HOMEZ: variants seen among roughly 807,000 people sequenced by gnomAD.
HOMEZ encodes homeobox and leucine zipper encoding.
In HOMEZ, 20 loss-of-function variants were observed where a neutral mutation model predicts 50.1. That is an observed-to-expected ratio of 0.40 (90% CI 0.28 to 0.58). The LOEUF (loss-of-function observed/expected upper bound fraction) is 0.58, where lower values mean the gene tolerates loss of function less well. Ranked by LOEUF, HOMEZ falls within the 20% of genes least tolerant of loss-of-function variation. The pLI is 0.46. For synonymous variants in HOMEZ, 239 were observed against 254.7 expected (o/e 0.94, Z 0.59); for missense variants, 579 against 680.5 (o/e 0.85, Z 1.66).
Position 23,276,181 on chromosome 14 carries a change from G to A in HOMEZ, c.1047C>T (p.Tyr349=), listed in dbSNP as rs374106556. ...GCTGGCGTTGCATATCTGGGGAAAGGTACTCTGTGGGGCCAACTCTACCTG... is the reference window on the plus strand; with the variant it reads ...GCTGGCGTTGCATATCTGGGGAAAGATACTCTGTGGGGCCAACTCTACCTG... ...SVPGRVGPTE[Y]LSPDMQRQRK... The change falls in exon 2 of 2, where the codon TAC becomes TAT. Residue 349 remains tyrosine (Y), a synonymous_variant. Transcript: ENST00000357460. This position sits in a 1 kb window ranked among gnomAD's most constrained non-coding sequence, Gnocchi z 4.1. 3.7e-6 allele frequency: 6 copies of A among 1,613,840 alleles called. No homozygotes were observed. In the African/African-American group the frequency reaches 8.0e-5, roughly 22 times the overall value.
rs539246898 is a variant in HOMEZ, at chr14:23,272,450, A to G, written c.*3125T>C. 283 of 258,198 alleles carry G rather than the reference A, an allele frequency of 1.1e-3. No homozygotes were observed. Among genetic ancestry groups the G allele is most frequent in the Non-Finnish European group, 1.6e-3 (217 of 132,042 alleles). 16.0% of individuals were successfully genotyped at this position (258,198 alleles called of 1,614,324 possible). A position where few individuals can be genotyped will look rare whatever the true frequency, so the allele number is the denominator to read the frequency against. On this transcript the variant is annotated 3_prime_UTR_variant, in exon 2 of 2. Transcript: ENST00000357460. ...ACAACAAACAAACAAACAAACAAAC[A>G]ACCGAAAATGTGAAAAAATTTTAAA...
rs796116533 is a variant in HOMEZ at position 23,285,785 on chromosome 14, G to GA, written c.40+127dup. 5 of 496,874 alleles carry GA rather than the reference G, an allele frequency of 1.0e-5. 1 individual carries two copies. Among genetic ancestry groups the GA allele is most frequent in the African/African-American group, 9.9e-5 (5 of 50,456 alleles). 30.8% of individuals were successfully genotyped at this position (496,874 alleles called of 1,614,324 possible). On this transcript the variant is annotated intron_variant, in intron 1 of 1. Coordinates refer to ENST00000357460, the MANE Select transcript of HOMEZ (RefSeq NM_020834.3). ...GGAGGGAACCGAAAAGTCCAGAGGA[G>GA]AAAAAAGAGAGAACCGGGCCACTTC...
chr14:23,281,582 G>C (rs1886557547), intron 1 of HOMEZ, among the ~76,000 whole-genome samples: 1 of 152,096 alleles, frequency 6.6e-6, no homozygotes, highest in African/African-American at 2.4e-5. Flanking sequence ...TCCGGGGTGA[G>C]ACAAATTAAT....
rs376249061 is a variant in HOMEZ, at chr14:23,275,863, C to T, written c.1365G>A (p.Pro455=). The T allele has an allele frequency of 1.7e-5, 27 of 1,597,186 alleles. No homozygotes were observed. Among genetic ancestry groups the T allele is most frequent in the African/African-American group, 1.2e-4 (9 of 74,778 alleles). Residue 455 remains proline (P), a synonymous_variant, in exon 2 of 2, where the codon CCG becomes CCA. Coordinates refer to ENST00000357460, the MANE Select transcript of HOMEZ (RefSeq NM_020834.3). Reference sequence around the variant, plus strand: ...GTATATCCGGTGGGGGTGGAGGGATCGGCAGAGGTGGTGTCTCAGCCCTTT... The same window carrying T: ...GTATATCCGGTGGGGGTGGAGGGATTGGCAGAGGTGGTGTCTCAGCCCTTT... ...LNERAETPPL[P]IPPPPPDIQP...
Position 23,275,291 on chromosome 14 carries a change from G to GTAGTGTAGATCTCGGTGGTCGCCGTAT in HOMEZ, c.*283_*284insATACGGCGACCACCGAGATCTACACTA. 1 of 444,122 alleles carries GTAGTGTAGATCTCGGTGGTCGCCGTAT rather than the reference G, an allele frequency of 2.3e-6. No homozygotes were observed. The highest frequency in any genetic ancestry group is 4.1e-5 in the South Asian group (1 of 24,618). The allele number at this position is 444,122 out of a possible 1,614,324, so 27.5% of individuals were successfully genotyped here. A position where few individuals can be genotyped will look rare whatever the true frequency, so the allele number is the denominator to read the frequency against. ...GAAAAAAACAGCAGACACGAGGAGA[G>GTAGTGTAGATCTCGGTGGTCGCCGTAT]CAAGAGCAGCTTCCCAGCCCATGGT... On this transcript the variant is annotated 3_prime_UTR_variant, in exon 2 of 2. Coordinates refer to ENST00000357460, the MANE Select transcript of HOMEZ (RefSeq NM_020834.3).
At chr14:23,277,975 C>T (rs1016229056) in intron 1 of HOMEZ, among the ~76,000 whole-genome samples, 2 of 151,532 alleles carry the variant, frequency 1.3e-5, no homozygotes, top group Non-Finnish European at 2.9e-5. Context: ...ATTACAGGTG[C>T]CCGCCACCAC....
At chr14:23,283,976 C>T (rs1470823856) in intron 1 of HOMEZ, among the ~76,000 whole-genome samples, 1 of 152,150 alleles carries the variant, frequency 6.6e-6, no homozygotes, top group Non-Finnish European at 1.5e-5. Context: ...CAATCTGAAG[C>T]ACTCCTGAAA....
chr14:23,276,713 A>T lies in HOMEZ; in HGVS notation c.515T>A (p.Leu172His), dbSNP rs759509939. ...TCCTTTCGTCTGGGTAGGCTTGCTAAGAGTTGGAGGACCTATTCCAATACC... is the reference window on the plus strand; with the variant it reads ...TCCTTTCGTCTGGGTAGGCTTGCTATGAGTTGGAGGACCTATTCCAATACC... ...QVGIGIGPPT[L>H]SKPTQTKGLK... Residue 172 changes from leucine to histidine, a missense_variant, in exon 2 of 2, where the codon CTT (leucine) becomes CAT (histidine). Transcript: ENST00000357460. This position sits in a 1 kb window ranked among gnomAD's most constrained non-coding sequence, Gnocchi z 4.1. 4 of 1,613,876 alleles carry T rather than the reference A, an allele frequency of 2.5e-6. No individual in the cohort carries two copies. Among genetic ancestry groups the T allele is most frequent in the Non-Finnish European group, 3.4e-6 (4 of 1,179,886 alleles).
chr14:23,282,201 A>G (rs929262258), intron 1 of HOMEZ, among the ~76,000 whole-genome samples: 6 of 152,054 alleles, frequency 3.9e-5, no homozygotes, highest in African/African-American at 1.4e-4. Flanking sequence ...TTTAACATTC[A>G]CTGTTTTCAA....
At position 23,280,722 on chromosome 14, in the gene HOMEZ, TTTATTTTATTTTATTTTA is replaced by T. The variant is rs1190366910; in HGVS notation, c.41-3553_41-3536del. On this transcript the variant is annotated intron_variant, in intron 1 of 1. Transcript: ENST00000357460. ...TTTTATATTTTTATTTTTATTTTAT[TTTATTTTATTTTATTTTA>T]TTATTTTATTTTATTTTATTTTATT... is the stretch of plus-strand genomic sequence containing the variant. Among the ~76,000 whole-genome samples the T allele has an allele frequency of 9.7e-4, 65 of 66,904 alleles. 4 individuals carry two copies. The highest frequency in any genetic ancestry group is 2.5e-3 in the African/African-American group (45 of 18,000). The allele number at this position is 66,904 out of a possible 152,430, so 43.9% of individuals were successfully genotyped here.
chr14:23,276,106 AAAG>A lies in HOMEZ; in HGVS notation c.1119_1121del (p.Phe375del). Reference sequence around the variant, plus strand: ...GCCGTGCCCACTGGCACTGTAAAAAAAAGGATTTAAGGATAGCCAGCTGCTCTT... The same window carrying A: ...GCCGTGCCCACTGGCACTGTAAAAAAGATTTAAGGATAGCCAGCTGCTCTT... On this transcript the variant is annotated inframe_deletion, in exon 2 of 2. Transcript: ENST00000357460. This position sits in a 1 kb window ranked among gnomAD's most constrained non-coding sequence, Gnocchi z 4.1. The A allele has an allele frequency of 6.2e-7, 1 of 1,614,012 alleles. No homozygotes were observed. Among genetic ancestry groups the A allele is most frequent in the African/African-American group, 1.3e-5 (1 of 75,060 alleles).
At chr14:23,283,619 G>A (rs960259830) in intron 1 of HOMEZ, among the ~76,000 whole-genome samples, 2 of 152,196 alleles carry the variant, frequency 1.3e-5, no homozygotes, top group African/African-American at 4.8e-5. Context: ...GCGAGGCTGG[G>A]TCTAATGGCT....
rs1166588196 is a variant in HOMEZ at position 23,273,107 on chromosome 14, A to G, written c.*2468T>C. ...AGGCTAGTGCTTCAGGAAGATGTTT[A>G]TATCTCTTCCAGAAGACACTGGTAG... On this transcript the variant is annotated 3_prime_UTR_variant, in exon 2 of 2. Transcript: ENST00000357460. 2 of 389,338 alleles carry G rather than the reference A, an allele frequency of 5.1e-6. No homozygotes were observed. The highest frequency in any genetic ancestry group is 4.6e-6 in the Non-Finnish European group (1 of 217,892). 24.1% of individuals were successfully genotyped at this position (389,338 alleles called of 1,614,324 possible).
chr14:23,283,432 G>C (rs1480333360), intron 1 of HOMEZ, among the ~76,000 whole-genome samples: 2 of 152,120 alleles, frequency 1.3e-5, no homozygotes, highest in East Asian at 3.8e-4. Context: ...CTCTGAGACA[G>C]TATAACACCC....
In HOMEZ at chr14:23,277,044, T is replaced by C; in HGVS notation, c.184A>G (p.Ser62Gly). 6.2e-7 allele frequency: 1 copy of C among 1,614,028 alleles called. No homozygotes were observed. Residue 62 changes from serine to glycine, a missense_variant, in exon 2 of 2, where the codon AGT (serine) becomes GGT (glycine). Ser to Gly is a moderately conservative substitution (Grantham distance 56). Coordinates refer to ENST00000357460, the MANE Select transcript of HOMEZ (RefSeq NM_020834.3). The stretch of plus-strand genomic sequence containing the variant: ...AGGTGTTCATTGCTGTCTAGCTCAC[T>C]GGTCTGGGCTGCTTGCGTCCACACA... ...QLVWTQAAQT[S>G]ELDSNEHLLK...
chr14:23,280,711 T>TTTATTTTATTTTATTTATTTTATTTTA (rs1555323555), intron 1 of HOMEZ, among the ~76,000 whole-genome samples: 2 of 34,378 alleles, frequency 5.8e-5, no homozygotes, highest in African/African-American at 1.7e-4. Context: ...ATATTTTTAT[T>TTTATTTTATTTTATTTATTTTATTTTA]TTTATTTTAT....
In HOMEZ at chr14:23,275,515, A is replaced by T; in HGVS notation, c.*60T>A. The T allele has an allele frequency of 2.0e-6, 3 of 1,478,590 alleles. No homozygotes were observed. The highest frequency in any genetic ancestry group is 1.4e-5 in the South Asian group (1 of 70,778). 91.6% of individuals were successfully genotyped at this position (1,478,590 alleles called of 1,614,324 possible). On this transcript the variant is annotated 3_prime_UTR_variant, in exon 2 of 2. Transcript: ENST00000357460. ...TTTTAAAAATGTGGTTTCTTTGTTT[A>T]AACAGTTACTAAGTTGGTTCATCTT...
chr14:23,283,035 T>C (rs938705647), intron 1 of HOMEZ, among the ~76,000 whole-genome samples: 2 of 152,202 alleles, frequency 1.3e-5, no homozygotes, highest in African/African-American at 4.8e-5. Context: ...ATCAAAATCA[T>C]AATAAAGACA....
At chr14:23,280,718 T>TA (rs1325431829) in intron 1 of HOMEZ, among the ~76,000 whole-genome samples, 1 of 65,226 alleles carries the variant, frequency 1.5e-5, no homozygotes, top group Admixed American at 1.8e-4. Context: ...TATTTTTATT[T>TA]TATTTTATTT....
Sources: allele counts gnomAD v4.1 joint callset (sites outside exome capture counted in the v4.1 genomes callset), GRCh38; gene constraint gnomAD v4.1.1; non-coding constraint Gnocchi (gnomAD v3.1); transcripts MANE v1.5; gene names NCBI Gene and HGNC (gene_info 2026-07-23, HGNC 2026-07-21).